The following NUP93 variants were observed in gnomAD, a reference collection of about 807,000 sequenced individuals.
NUP93 encodes nucleoporin 93.
In NUP93, 55 loss-of-function variants were observed where a neutral mutation model predicts 107.8. The ratio of observed to expected loss-of-function variants is 0.51; its 90% CI spans 0.41 to 0.64. The LOEUF (loss-of-function observed/expected upper bound fraction) is 0.64, where lower values mean the gene tolerates loss of function less well. Among genes scored for constraint, NUP93 ranks in the 30% least tolerant of loss-of-function variants. The probability of loss-of-function intolerance (pLI) is 0.00; values close to 1 mark genes in which losing one functional copy is unlikely to be tolerated. For synonymous variants in NUP93, 390 were observed against 397.5 expected (o/e 0.98, Z 0.22); for missense variants, 937 against 1,044.7 (o/e 0.90, Z 1.42).
intron 4 of NUP93, among the ~76,000 whole-genome samples, chr16:56,801,115 T>C (rs1370705172): frequency 6.6e-6 from 1 of 152,240 alleles, no homozygotes; most frequent in Non-Finnish European, 1.5e-5. Flanking sequence ...TTCTTGTCTA[T>C]TGAGTTTCTT....
At chr16:56,753,376 T>A (rs1011933103) in intron 2 of NUP93, among the ~76,000 whole-genome samples, 5 of 152,184 alleles carry the variant, frequency 3.3e-5, no homozygotes, top group Non-Finnish European at 5.9e-5. Context: ...CTTGGAACTT[T>A]GAATTTGCAG....
chr16:56,746,776 G>T (rs886541937), intron 1 of NUP93, among the ~76,000 whole-genome samples: 24 of 152,264 alleles, frequency 1.6e-4, no homozygotes, highest in Non-Finnish European at 1.8e-4. Context: ...TGGGTGTGGT[G>T]GTGCATGCCT....
chr16:56,774,601 G>A (rs1704447606), intron 3 of NUP93, among the ~76,000 whole-genome samples: 2 of 152,220 alleles, frequency 1.3e-5, no homozygotes, highest in Non-Finnish European at 2.9e-5. Flanking sequence ...GTATTAAAAT[G>A]TGCTGCCTGT....
At chr16:56,788,049 A>G (rs1269346590) in intron 3 of NUP93, among the ~76,000 whole-genome samples, 2 of 152,166 alleles carry the variant, frequency 1.3e-5, no homozygotes, top group Non-Finnish European at 2.9e-5. Flanking sequence ...TTGCGTCTCC[A>G]AAGTTTAGCC....
At chr16:56,750,745 A>C in intron 2 of NUP93, among the ~76,000 whole-genome samples, 1 of 152,324 alleles carries the variant, frequency 6.6e-6, no homozygotes, top group South Asian at 2.1e-4. Context: ...GTTTTGACAG[A>C]GATCATGTGC....
chr16:56,776,105 A>T (rs567414477), intron 3 of NUP93, among the ~76,000 whole-genome samples: 4 of 151,092 alleles, frequency 2.6e-5, no homozygotes, highest in African/African-American at 9.7e-5. Context: ...ATTTTATAAT[A>T]GGGATTGATG....
intron 1 of NUP93, among the ~76,000 whole-genome samples, chr16:56,740,071 A>G (rs1324449681): frequency 2.1e-4 from 10 of 48,272 alleles, no homozygotes; most frequent in Non-Finnish European, 2.7e-4. Flanking sequence ...GGCCGGGCGG[A>G]GGGCTCACCC....
At chr16:56,828,019 C>T (rs1191215061) in intron 8 of NUP93, among the ~76,000 whole-genome samples, 1 of 151,964 alleles carries the variant, frequency 6.6e-6, no homozygotes, top group Admixed American at 6.6e-5. Context: ...GCTTGGGAGG[C>T]TGAGACAAGA....
chr16:56,785,686 A>T (rs1216923745), intron 3 of NUP93, among the ~76,000 whole-genome samples: 1 of 152,304 alleles, frequency 6.6e-6, no homozygotes, highest in Admixed American at 6.5e-5. Context: ...TAAGGGGTGG[A>T]CCGCACGAAT....
At chr16:56,767,135 C>T (rs79616633) in intron 3 of NUP93, among the ~76,000 whole-genome samples, 6,415 of 152,278 alleles carry the variant, frequency 0.042, 198 homozygotes, top group East Asian at 0.077. Flanking sequence ...TGGTCTGCAG[C>T]GATCACAAGA....
chr16:56,779,892 C>T (rs1962482388), intron 3 of NUP93, among the ~76,000 whole-genome samples: 1 of 152,146 alleles, frequency 6.6e-6, no homozygotes, highest in Non-Finnish European at 1.5e-5. Context: ...ACAGGTTTTA[C>T]ATCCGTGAAA....
chr16:56,803,081 A>G (rs1169298949), intron 4 of NUP93, among the ~76,000 whole-genome samples: 1 of 151,052 alleles, frequency 6.6e-6, no homozygotes, highest in African/African-American at 2.4e-5. Context: ...GTAGCTTGGT[A>G]GGCAGTTTAA....
At chr16:56,757,162 A>G (rs1403842817) in intron 2 of NUP93, among the ~76,000 whole-genome samples, 2 of 152,234 alleles carry the variant, frequency 1.3e-5, no homozygotes, top group Non-Finnish European at 2.9e-5. Context: ...TCTCTTCTCC[A>G]GTAAGTCTGT....
chr16:56,822,135 T>C (rs1963557599), intron 7 of NUP93, among the ~76,000 whole-genome samples: 4 of 150,116 alleles, frequency 2.7e-5, no homozygotes, highest in Admixed American at 2.0e-4. Context: ...GATGACTACT[T>C]GGTGGGTGGC....
At chr16:56,812,835 C>T (rs1173361701) in intron 5 of NUP93, among the ~76,000 whole-genome samples, 1 of 152,182 alleles carries the variant, frequency 6.6e-6, no homozygotes, top group African/African-American at 2.4e-5. Flanking sequence ...AATGAGACCC[C>T]TGGCTACGAA....
chr16:56,773,645 C>T (rs1040307856), intron 3 of NUP93, among the ~76,000 whole-genome samples: 2 of 152,226 alleles, frequency 1.3e-5, no homozygotes, highest in African/African-American at 4.8e-5. Context: ...AGGCTCCCCG[C>T]AGACCTATTG....
At chr16:56,740,711 G>A (rs1388274384) in intron 1 of NUP93, 5 of 176,068 alleles carry the variant, frequency 2.8e-5, no homozygotes, top group African/African-American at 4.8e-5. Flanking sequence ...CCGAGATCAC[G>A]CCACTGCACT....
intron 2 of NUP93, among the ~76,000 whole-genome samples, chr16:56,751,968 C>G (rs1248398467): frequency 1.3e-5 from 2 of 152,216 alleles, no homozygotes; most frequent in Non-Finnish European, 2.9e-5. Flanking sequence ...TCAGTCCTTT[C>G]TCTCCCTGCA....
At chr16:56,838,645 A>G (rs543235127) in intron 18 of NUP93, among the ~76,000 whole-genome samples, 1 of 152,242 alleles carries the variant, frequency 6.6e-6, no homozygotes, top group African/African-American at 2.4e-5. Flanking sequence ...AGCTCACTGT[A>G]ACCTTGAACT....
Sources: allele counts gnomAD v4.1 joint callset (sites outside exome capture counted in the v4.1 genomes callset), GRCh38; gene constraint gnomAD v4.1.1; transcripts MANE v1.5; gene names NCBI Gene and HGNC (gene_info 2026-07-23, HGNC 2026-07-21).